Variants in THSD7B observed in about 807,000 individuals in gnomAD.
The protein encoded by THSD7B is thrombospondin type-1 domain-containing protein 7B.
In THSD7B, 138 loss-of-function variants were observed where a neutral mutation model predicts 213.6. The ratio of observed to expected loss-of-function variants is 0.65; its 90% CI spans 0.56 to 0.74. The LOEUF is 0.74. Among genes scored for constraint, THSD7B ranks in the 30% least tolerant of loss-of-function variants. The pLI is 0.00. For missense variants in THSD7B, 1,931 were observed against 1,991.5 expected, an observed-to-expected ratio of 0.97 and a Z score of 0.58; for synonymous variants, 742 against 687.0, an observed-to-expected ratio of 1.08 and a Z score of -1.25.
chr2:137,170,851 C>T lies in THSD7B; in HGVS notation c.1636C>T (p.Leu546=). ...PCEDPMCYRW[L]ASEGICFPDH... ...TGAGGATCCAATGTGCTACCGATGG[C>T]TGGCATCAGAAGGGATCTGTTTCCC... is the stretch of plus-strand genomic sequence containing the variant. The change falls in exon 7 of 28, where the codon CTG becomes TTG. Residue 546 remains leucine (L), a synonymous_variant. Transcript: ENST00000409968. 1 of 1,613,692 alleles carries T rather than the reference C, an allele frequency of 6.2e-7. No individual in the cohort carries two copies. The highest frequency in any genetic ancestry group is 8.5e-7 in the Non-Finnish European group (1 of 1,179,792).
intron 12 of THSD7B, among the ~76,000 whole-genome samples, chr2:137,357,886 C>A (rs1272056252): frequency 6.6e-6 from 1 of 152,168 alleles, no homozygotes; most frequent in Non-Finnish European, 1.5e-5. Flanking sequence ...CATTTTAGAT[C>A]ATTTTAAGTG....
At chr2:137,468,813 C>T (rs372581167) in intron 15 of THSD7B, among the ~76,000 whole-genome samples, 5 of 152,052 alleles carry the variant, frequency 3.3e-5, no homozygotes, top group East Asian at 3.9e-4. Context: ...TTACATTACC[C>T]TCTACATCAG....
intron 2 of THSD7B, among the ~76,000 whole-genome samples, chr2:136,896,892 T>C (rs1297497171): frequency 1.3e-5 from 2 of 151,968 alleles, no homozygotes; most frequent in African/African-American, 4.8e-5. Context: ...TTCTGTTCCA[T>C]TGATCTATAG....
At chr2:136,948,493 C>T (rs1040078514) in intron 2 of THSD7B, among the ~76,000 whole-genome samples, 77 of 152,004 alleles carry the variant, frequency 5.1e-4, no homozygotes, top group Non-Finnish European at 2.9e-4. Flanking sequence ...CACATACACA[C>T]ACCCCTCTTT....
intron 12 of THSD7B, among the ~76,000 whole-genome samples, chr2:137,321,903 A>G (rs1684271183): frequency 6.6e-6 from 1 of 151,792 alleles, no homozygotes; most frequent in Non-Finnish European, 1.5e-5. Context: ...GGAAAGCAGC[A>G]TCAGCTATAT....
At chr2:136,940,141 T>A (rs1172634836) in intron 2 of THSD7B, among the ~76,000 whole-genome samples, 1 of 152,068 alleles carries the variant, frequency 6.6e-6, no homozygotes, top group East Asian at 1.9e-4. Context: ...ATTGTACCCA[T>A]TAAATAATTT....
intron 11 of THSD7B, among the ~76,000 whole-genome samples, chr2:137,273,595 G>T (rs980207510): frequency 6.6e-6 from 1 of 152,026 alleles, no homozygotes; most frequent in African/African-American, 2.4e-5. Context: ...TGAAATTCAA[G>T]GGCTAATTTA....
At chr2:137,396,990 T>A (rs59370898) in intron 12 of THSD7B, among the ~76,000 whole-genome samples, 13,694 of 139,124 alleles carry the variant, frequency 0.098, 2,981 homozygotes, top group African/African-American at 0.26. Flanking sequence ...TTGCAACCCC[T>A]GCCTTTTTTT....
intron 21 of THSD7B, among the ~76,000 whole-genome samples, chr2:137,650,434 G>A (rs2104812001): frequency 6.6e-6 from 1 of 152,266 alleles, no homozygotes; most frequent in African/African-American, 2.4e-5. Flanking sequence ...TTGATTTTAT[G>A]TCTTGCAACT....
At chr2:136,774,645 C>T (rs1200132544) in intron 1 of THSD7B, among the ~76,000 whole-genome samples, 1 of 152,028 alleles carries the variant, frequency 6.6e-6, no homozygotes, top group Non-Finnish European at 1.5e-5. Context: ...AATCTTACTT[C>T]AGTTACTTTT....
chr2:137,044,848 A>G (rs553918175), intron 2 of THSD7B, among the ~76,000 whole-genome samples: 1 of 152,272 alleles, frequency 6.6e-6, no homozygotes, highest in East Asian at 1.9e-4. Flanking sequence ...GCTGCCACTG[A>G]CCTTCTGAAT....
chr2:136,768,765 G>A lies in THSD7B; in HGVS notation c.-36+3078G>A, dbSNP rs142853810. Among the ~76,000 whole-genome samples the A allele has an allele frequency of 1.9e-4, 29 of 152,214 alleles. No homozygotes were observed. The East Asian group carries it at 5.2e-3, about 27-fold the overall frequency. On this transcript the variant is annotated intron_variant, in intron 1 of 27. Transcript: ENST00000409968. Reference sequence around the variant, plus strand: ...GATATGCTGTTGGATTTTTGAATATGGATTGCACATAAGTGCTTCATATTT... The same window carrying A: ...GATATGCTGTTGGATTTTTGAATATAGATTGCACATAAGTGCTTCATATTT...
intron 18 of THSD7B, among the ~76,000 whole-genome samples, 157 bp from the exon 19 acceptor site, chr2:137,618,235 A>G (rs1381572030): frequency 6.6e-6 from 1 of 152,212 alleles, no homozygotes; most frequent in East Asian, 1.9e-4. Context: ...TCGTTTTGCA[A>G]TAAGGGCATT....
chr2:137,347,679 G>A (rs748270706), intron 12 of THSD7B, among the ~76,000 whole-genome samples: 1 of 150,602 alleles, frequency 6.6e-6, no homozygotes, highest in Admixed American at 6.6e-5. Context: ...GGCGGATCTC[G>A]TTATCACATC....
At chr2:136,975,239 T>G (rs1007943077) in intron 2 of THSD7B, among the ~76,000 whole-genome samples, 3 of 152,198 alleles carry the variant, frequency 2.0e-5, no homozygotes, top group African/African-American at 7.2e-5. Context: ...TTGTTGCAAT[T>G]GCTTTTGATG....
intron 3 of THSD7B, among the ~76,000 whole-genome samples, chr2:137,060,406 T>C (rs1261249883): frequency 6.6e-6 from 1 of 151,970 alleles, no homozygotes; most frequent in African/African-American, 2.4e-5. Context: ...GATCTTTTTT[T>C]TTTGGTGTTG....
chr2:137,630,899 A>G (rs1682728492), intron 20 of THSD7B, among the ~76,000 whole-genome samples: 1 of 152,180 alleles, frequency 6.6e-6, no homozygotes, highest in Admixed American at 6.5e-5. Context: ...TTTATCAAAA[A>G]CAAAAGTTCG....
chr2:137,228,257 G>C (rs1681556972), intron 7 of THSD7B, among the ~76,000 whole-genome samples: 1 of 150,904 alleles, frequency 6.6e-6, no homozygotes, highest in Admixed American at 6.6e-5. Context: ...TCCCTTTTCT[G>C]AATTAGCCTG....
intron 15 of THSD7B, among the ~76,000 whole-genome samples, chr2:137,553,588 A>G (rs1264305918): frequency 6.6e-6 from 1 of 152,228 alleles, no homozygotes; most frequent in Non-Finnish European, 1.5e-5. Context: ...AATAGGACTC[A>G]TTACTAGGAG....
Sources: allele counts gnomAD v4.1 joint callset (sites outside exome capture counted in the v4.1 genomes callset), GRCh38; gene constraint gnomAD v4.1.1; transcripts MANE v1.5; gene names NCBI Gene and HGNC (gene_info 2026-07-23, HGNC 2026-07-21).